PRKN: variants seen among roughly 807,000 people sequenced by gnomAD.
PRKN encodes the protein parkin RBR E3 ubiquitin protein ligase, also known as E3 ubiquitin-protein ligase parkin.
A neutral mutation model predicts 59.5 loss-of-function variants in PRKN; 56 were observed. The ratio of observed to expected loss-of-function variants is 0.94; its 90% CI spans 0.76 to 1.18. The LOEUF is 1.18. Among genes scored for constraint, PRKN ranks in the 50% most tolerant of loss-of-function variants. The probability of loss-of-function intolerance (pLI) is 0.00; values close to 1 mark genes in which losing one functional copy is unlikely to be tolerated. For synonymous variants in PRKN, 250 were observed against 222.1 expected (o/e 1.13, Z -1.12); for missense variants, 657 against 596.4 (o/e 1.10, Z -1.06).
intron 5 of PRKN, among the ~76,000 whole-genome samples, chr6:161,975,148 C>A (rs530605565): frequency 6.9e-6 from 1 of 144,722 alleles, no homozygotes; most frequent in Admixed American, 7.1e-5. Flanking sequence ...TGCAGTGGCG[C>A]GATCTCAGCT....
chr6:162,631,145 C>T (rs950664572), intron 1 of PRKN, among the ~76,000 whole-genome samples: 1 of 152,092 alleles, frequency 6.6e-6, no homozygotes, highest in African/African-American at 2.4e-5. Context: ...CTACTGTGTA[C>T]AATGTTTCTG....
At chr6:162,091,642 G>A (rs193220083) in intron 4 of PRKN, among the ~76,000 whole-genome samples, 136 of 152,308 alleles carry the variant, frequency 8.9e-4, no homozygotes, top group African/African-American at 3.2e-3. Flanking sequence ...AGGGCAGACA[G>A]GGTATTCACC....
rs1385808248 is a variant in PRKN at position 161,503,276 on chromosome 6, G to A, written c.1083+45578C>T. Among the ~76,000 whole-genome samples the A allele has an allele frequency of 1.3e-5, 2 of 151,976 alleles. No individual in the cohort carries two copies. Among genetic ancestry groups the A allele is most frequent in the African/African-American group, 2.4e-5 (1 of 41,386 alleles). On this transcript the variant is annotated intron_variant, in intron 9 of 11. Coordinates refer to ENST00000366898, the MANE Select transcript of PRKN (RefSeq NM_004562.3). This position sits in a 1 kb window ranked among gnomAD's most constrained non-coding sequence, Gnocchi z 5.1. ...ACCGTAGAGTCTTGATGAATTTATG[G>A]CTGTCATTCTGAAGATTTTAATCTT...
intron 1 of PRKN, among the ~76,000 whole-genome samples, chr6:162,530,089 C>T (rs1261314655): frequency 1.3e-5 from 2 of 150,934 alleles, no homozygotes; most frequent in Non-Finnish European, 2.9e-5. Context: ...AAGATCACGC[C>T]ATTGCACTCC....
intron 1 of PRKN, among the ~76,000 whole-genome samples, chr6:162,454,945 C>T (rs555026741): frequency 2.6e-4 from 40 of 152,226 alleles, no homozygotes; most frequent in South Asian, 1.9e-3. Context: ...GCATTAGGAA[C>T]GATGATGTAT....
chr6:161,533,767 C>T lies in PRKN; in HGVS notation c.1083+15087G>A, dbSNP rs1214521673. On this transcript the variant is annotated intron_variant, in intron 9 of 11. Transcript: ENST00000366898. This position sits in a 1 kb window ranked among gnomAD's most constrained non-coding sequence, Gnocchi z 4.1. ...TGCCCTCCTCTCTCCTTTCTTCCGC[C>T]TGTTAAACTTTCCACTCCTTAACCC... Among the ~76,000 whole-genome samples, 4 of 152,020 alleles carry T rather than the reference C, an allele frequency of 2.6e-5. No homozygotes were observed. Among genetic ancestry groups the T allele is most frequent in the Non-Finnish European group, 5.9e-5 (4 of 67,966 alleles).
intron 9 of PRKN, among the ~76,000 whole-genome samples, chr6:161,411,813 C>T (rs1583033498): frequency 1.3e-5 from 2 of 150,588 alleles, no homozygotes; most frequent in African/African-American, 4.9e-5. Context: ...ACTCATTCCT[C>T]CACTCATTCA....
At position 161,525,534 on chromosome 6, in the gene PRKN, T is replaced by A. The variant is rs1778985758; in HGVS notation, c.1083+23320A>T. ...TGCATGAATTTAAGGGATGTTTTTA[T>A]TATAAGATCAGAGAAGGAAAAATGA... On this transcript the variant is annotated intron_variant, in intron 9 of 11. Coordinates refer to ENST00000366898, the MANE Select transcript of PRKN (RefSeq NM_004562.3). The surrounding 1 kb of genome is among the most constrained non-coding windows in gnomAD (Gnocchi z 4.7). 2.0e-5 allele frequency among the ~76,000 whole-genome samples: 3 copies of A among 152,144 alleles called. No homozygotes were observed.
At chr6:161,625,413 G>C (rs1441161743) in intron 7 of PRKN, among the ~76,000 whole-genome samples, 2 of 151,916 alleles carry the variant, frequency 1.3e-5, no homozygotes, top group Non-Finnish European at 2.9e-5. Context: ...GGGCTGGTTG[G>C]GGGATGGGGG....
At chr6:161,850,042 C>T (rs559288988) in intron 6 of PRKN, among the ~76,000 whole-genome samples, 16 of 152,170 alleles carry the variant, frequency 1.1e-4, no homozygotes, top group Admixed American at 4.6e-4. Flanking sequence ...AAGATGCCAG[C>T]GGTCACCCTC....
At chr6:161,895,820 T>G (rs1303155100) in intron 6 of PRKN, among the ~76,000 whole-genome samples, 1 of 152,074 alleles carries the variant, frequency 6.6e-6, no homozygotes, top group Non-Finnish European at 1.5e-5. Context: ...AATGGACACA[T>G]GAATGAATGG....
chr6:162,268,774 G>C (rs1043743174), intron 2 of PRKN, among the ~76,000 whole-genome samples: 2 of 152,182 alleles, frequency 1.3e-5, no homozygotes, highest in Non-Finnish European at 2.9e-5. Context: ...CTGAGAGGAA[G>C]TGGAGACTTG....
intron 10 of PRKN, among the ~76,000 whole-genome samples, chr6:161,375,493 C>A (rs1231992145): frequency 6.6e-6 from 1 of 152,188 alleles, no homozygotes; most frequent in African/African-American, 2.4e-5. Flanking sequence ...TTTTAGCATT[C>A]AGCCTTAAAA....
intron 6 of PRKN, among the ~76,000 whole-genome samples, chr6:161,850,574 C>CAAAAA (rs10651778): frequency 0.023 from 1,991 of 88,108 alleles, 122 homozygotes; most frequent in East Asian, 0.098. Flanking sequence ...GACTACGTCT[C>CAAAAA]AAAAAAAAAA....
intron 6 of PRKN, among the ~76,000 whole-genome samples, chr6:161,879,434 G>A (rs1475313355): frequency 1.4e-5 from 2 of 141,596 alleles, no homozygotes; most frequent in South Asian, 2.3e-4. Context: ...TGCAACCTCC[G>A]CCTTCCAGGT....
chr6:161,586,617 C>T (rs758810198), intron 7 of PRKN, among the ~76,000 whole-genome samples: 10 of 152,178 alleles, frequency 6.6e-5, no homozygotes, highest in Non-Finnish European at 1.3e-4. Flanking sequence ...AAAAAATTCT[C>T]TTTCATGTGT....
At chr6:162,103,909 C>T (rs1780082003) in intron 4 of PRKN, among the ~76,000 whole-genome samples, 2 of 152,142 alleles carry the variant, frequency 1.3e-5, no homozygotes, top group Non-Finnish European at 2.9e-5. Flanking sequence ...TAAGATGCTC[C>T]GAGAGGGTCG....
At chr6:162,341,488 C>T (rs1784177284) in intron 2 of PRKN, among the ~76,000 whole-genome samples, 1 of 152,058 alleles carries the variant, frequency 6.6e-6, no homozygotes. Context: ...TTCACAATAG[C>T]AAAGACTTGG....
At position 161,371,170 on chromosome 6, in the gene PRKN, A is replaced by AT. The variant is rs35013267; in HGVS notation, c.1168-10966dup. On this transcript the variant is annotated intron_variant, in intron 10 of 11. Transcript: ENST00000366898. This position sits in a 1 kb window ranked among gnomAD's most constrained non-coding sequence, Gnocchi z 5.5. ...TGTATATATTTAAATGTATTTTGTT[A>AT]TTTTTTTTTTTGAGACGTTGTTTCG... is the stretch of plus-strand genomic sequence containing the variant. Among the ~76,000 whole-genome samples the AT allele has an allele frequency of 4.7e-4, 70 of 149,282 alleles. No individual in the cohort carries two copies. The highest frequency in any genetic ancestry group is 3.5e-3 in the Middle Eastern group (1 of 282).
Sources: allele counts gnomAD v4.1 joint callset (sites outside exome capture counted in the v4.1 genomes callset), GRCh38; gene constraint gnomAD v4.1.1; non-coding constraint Gnocchi (gnomAD v3.1); transcripts MANE v1.5; gene names NCBI Gene and HGNC (gene_info 2026-07-23, HGNC 2026-07-21).